IL1RAPL1: variants seen among roughly 807,000 people sequenced by gnomAD.
IL1RAPL1 encodes the protein interleukin 1 receptor accessory protein like 1, also known as interleukin-1 receptor accessory protein-like 1.
IL1RAPL1 carries 3 observed loss-of-function variants against 48.4 expected under a neutral mutation model. That is an observed-to-expected ratio of 0.06 (90% CI 0.03 to 0.16). The LOEUF (loss-of-function observed/expected upper bound fraction) is 0.16. IL1RAPL1 is among the 10% of genes least tolerant of loss of function. The probability of loss-of-function intolerance (pLI) is 1.00; values close to 1 mark genes in which losing one functional copy is unlikely to be tolerated. For synonymous variants in IL1RAPL1, 185 were observed against 187.7 expected (o/e 0.99, Z 0.12); for missense variants, 349 against 530.6 (o/e 0.66, Z 3.36).
intron 5 of IL1RAPL1, among the ~76,000 whole-genome samples, chrX:29,651,575 C>A (rs1302299361): frequency 9.0e-6 from 1 of 111,365 alleles, no homozygotes; most frequent in Non-Finnish European, 1.9e-5. Context: ...AAACTCATCT[C>A]AAAAAGGTAG....
intron 2 of IL1RAPL1, among the ~76,000 whole-genome samples, chrX:29,273,928 T>C (rs1479231843): frequency 8.9e-6 from 1 of 112,091 alleles, no homozygotes; most frequent in African/African-American, 3.2e-5. Context: ...TATATGTATC[T>C]TAAAACAAAA....
rs186110237 is a variant in IL1RAPL1 at position 29,604,793 on chromosome X, C to T, written c.704-63637C>T. 3.5e-3 allele frequency among the ~76,000 whole-genome samples: 385 copies of T among 111,059 alleles called. 3 individuals carry two copies. Among genetic ancestry groups the T allele is most frequent in the African/African-American group, 0.012 (366 of 30,486 alleles). On this transcript the variant is annotated intron_variant, in intron 5 of 10. Transcript: ENST00000378993. ...CTTTTTTAACCCTAAAGTAAGAAGA[C>T]TTCCTACAGAAGGTGCTGTTGGTTG...
intron 1 of IL1RAPL1, among the ~76,000 whole-genome samples, chrX:28,721,514 A>G (rs756721961): frequency 1.2e-3 from 130 of 111,289 alleles, no homozygotes; most frequent in African/African-American, 4.0e-3. Flanking sequence ...AGATGAGTAG[A>G]TTGCAAAAAT....
chrX:28,688,617 C>T (rs749840885), intron 1 of IL1RAPL1, among the ~76,000 whole-genome samples: 39 of 111,846 alleles, frequency 3.5e-4, no homozygotes, highest in African/African-American at 1.1e-3. Context: ...AACAGGGAAA[C>T]AGGGTTTAGA....
chrX:28,640,984 C>T (rs1934531528), intron 1 of IL1RAPL1, among the ~76,000 whole-genome samples: 1 of 110,546 alleles, frequency 9.0e-6, no homozygotes, highest in Non-Finnish European at 1.9e-5. Flanking sequence ...GTAGCTCTGA[C>T]TTGGTGTCTC....
intron 2 of IL1RAPL1, among the ~76,000 whole-genome samples, chrX:29,117,416 A>T (rs1249857295): frequency 8.9e-6 from 1 of 112,377 alleles, no homozygotes; most frequent in Non-Finnish European, 1.9e-5. Flanking sequence ...TACTGAATTG[A>T]TAAGTTCTGT....
At chrX:29,235,442 C>G (rs1488019816) in intron 2 of IL1RAPL1, among the ~76,000 whole-genome samples, 1 of 110,724 alleles carries the variant, frequency 9.0e-6, no homozygotes, top group African/African-American at 3.3e-5. Context: ...TTTCTCGTTA[C>G]AAATTTCTAA....
intron 2 of IL1RAPL1, among the ~76,000 whole-genome samples, chrX:29,010,470 C>G (rs371918619): frequency 5.4e-5 from 6 of 111,564 alleles, no homozygotes; most frequent in Non-Finnish European, 9.4e-5. Flanking sequence ...TGAATTTCAT[C>G]GAAAGCTTTT....
At chrX:28,809,023 T>C (rs1025941551) in intron 2 of IL1RAPL1, among the ~76,000 whole-genome samples, 1 of 110,875 alleles carries the variant, frequency 9.0e-6, no homozygotes, top group African/African-American at 3.3e-5. Context: ...AAATCTATTT[T>C]TGGTCGGGTT....
chrX:29,124,551 G>A (rs1400011678), intron 2 of IL1RAPL1, among the ~76,000 whole-genome samples: 6 of 112,104 alleles, frequency 5.4e-5, no homozygotes, highest in Non-Finnish European at 1.1e-4. Flanking sequence ...CATCCAACAA[G>A]AAGTCTTGGT....
At position 29,925,873 on chromosome X, in the gene IL1RAPL1, A is replaced by G. The variant is rs776498057; in HGVS notation, c.1057+5779A>G. Among the ~76,000 whole-genome samples, 3 of 112,524 alleles carry G rather than the reference A, an allele frequency of 2.7e-5. No individual in the cohort carries two copies. The East Asian group carries it at 8.4e-4, about 31-fold the overall frequency. On this transcript the variant is annotated intron_variant, in intron 8 of 10. Transcript: ENST00000378993. ...GCTTCTTGATACGGATATTCCAACA[A>G]GGCTATTGATTGCCACCAAAGTTGC... is the stretch of plus-strand genomic sequence containing the variant.
intron 2 of IL1RAPL1, among the ~76,000 whole-genome samples, chrX:28,926,881 T>C (rs139394822): frequency 5.0e-4 from 56 of 111,348 alleles, no homozygotes; most frequent in Non-Finnish European, 8.3e-4. Context: ...GATCCAAATC[T>C]ACATTCTCCT....
intron 4 of IL1RAPL1, 136 bp downstream of exon 4, chrX:29,396,580 C>A: frequency 1.8e-6 from 1 of 563,355 alleles, no homozygotes; most frequent in Middle Eastern, 3.4e-4. Flanking sequence ...GCAAGTTGTA[C>A]TGGTCATTAT....
At chrX:29,676,303 T>C (rs992500376) in intron 6 of IL1RAPL1, among the ~76,000 whole-genome samples, 2 of 112,420 alleles carry the variant, frequency 1.8e-5, no homozygotes, top group Admixed American at 1.9e-4. Context: ...TTGAATGCTG[T>C]AAAAGAGTAC....
chrX:29,534,830 G>A (rs1309468773), intron 5 of IL1RAPL1, among the ~76,000 whole-genome samples: 10 of 109,940 alleles, frequency 9.1e-5, no homozygotes, highest in South Asian at 4.0e-4. Flanking sequence ...TTAGCCGGGC[G>A]TGGTGGCGGG....
chrX:28,641,127 C>T (rs745899640), intron 1 of IL1RAPL1, among the ~76,000 whole-genome samples: 1 of 108,261 alleles, frequency 9.2e-6, no homozygotes, highest in African/African-American at 3.4e-5. Context: ...AGGTTTCTTA[C>T]ATAGGTATAC....
rs190176112 is a variant in IL1RAPL1 at position 28,862,048 on chromosome X, T to C, written c.82+72623T>C. On this transcript the variant is annotated intron_variant, in intron 2 of 10. Transcript: ENST00000378993. ...ATTTAATTTTTTGATGATTTTGAAA[T>C]ATAAATGCTAAGAAGAAAATTTGAA... 1.3e-3 allele frequency among the ~76,000 whole-genome samples: 145 copies of C among 111,740 alleles called. 1 individual carries two copies. Among genetic ancestry groups the C allele is most frequent in the Non-Finnish European group, 2.4e-3 (128 of 53,124 alleles).
intron 2 of IL1RAPL1, among the ~76,000 whole-genome samples, chrX:28,840,578 ATTAAT>A (rs1417785216): frequency 1.8e-5 from 2 of 111,435 alleles, no homozygotes; most frequent in African/African-American, 6.5e-5. Context: ...AACATGTACA[ATTAAT>A]TTAATTGATT....
chrX:29,102,556 C>T (rs1928362906), intron 2 of IL1RAPL1, among the ~76,000 whole-genome samples: 2 of 109,739 alleles, frequency 1.8e-5, no homozygotes, highest in Admixed American at 2.0e-4. Flanking sequence ...ATCCCAGCTA[C>T]TCAGGAGGCG....
Sources: gnomAD v4.1 joint callset for allele counts (sites outside exome capture counted in the v4.1 genomes callset) on GRCh38, gnomAD v4.1.1 for gene constraint, MANE v1.5 for transcripts, NCBI Gene and HGNC (gene_info 2026-07-23, HGNC 2026-07-21) for gene names.